DOCK11: variants seen among roughly 807,000 people sequenced by gnomAD.
DOCK11 encodes the protein dedicator of cytokinesis 11.
Under a neutral mutation model 169.1 loss-of-function variants are expected in DOCK11, and 70 were observed. That is an observed-to-expected ratio of 0.41 (90% CI 0.34 to 0.51). DOCK11 has a LOEUF of 0.51. DOCK11 is among the 20% of genes least tolerant of loss of function. The pLI, the probability that DOCK11 is intolerant of heterozygous loss-of-function variation, is 0.10. For synonymous variants in DOCK11, 529 were observed against 541.3 expected (o/e 0.98, Z 0.32); for missense variants, 1,166 against 1,538.8 (o/e 0.76, Z 4.05).
Position 118,676,637 on chromosome X carries a change from C to T in DOCK11, c.5360C>T (p.Pro1787Leu), listed in dbSNP as rs2016616420. The change falls in exon 48 of 53, where the codon CCA becomes CTA. Residue 1787 changes from proline to leucine, a missense_variant. Physicochemically the swap from Pro to Leu is moderately conservative, Grantham distance 98 (BLOSUM62 -3). Transcript: ENST00000276202. ...GGAAAGGAGTACATCTATAAAGAAC[C>T]AAAGCTCACTGGCCTCTCAGAAATT... Reference protein sequence around the residue: ...EDGKEYIYKEPKLTGLSEISL... With the variant: ...EDGKEYIYKELKLTGLSEISL... The T allele has an allele frequency of 8.3e-7, 1 of 1,198,877 alleles. No individual in the cohort carries two copies. Among genetic ancestry groups the T allele is most frequent in the Non-Finnish European group, 1.1e-6 (1 of 887,951 alleles).
Position 118,545,379 on chromosome X carries a change from G to A in DOCK11, c.449G>A (p.Cys150Tyr). 1 of 1,195,085 alleles carries A rather than the reference G, an allele frequency of 8.4e-7. No homozygotes were observed. Among genetic ancestry groups the A allele is most frequent in the South Asian group, 1.9e-5 (1 of 53,870 alleles). ...CATGTATTTGAGATAGATGAAGACT[G>A]TGAGAAAGATGAGGTAAGAATGGGG... ...PNHVFEIDED[C>Y]EKDEDSSSLC... The change falls in exon 5 of 53, where the codon TGT (cysteine) becomes TAT (tyrosine). Residue 150 changes from cysteine to tyrosine, a missense_variant. By Grantham distance (194) the Cys-to-Tyr change is radical. Transcript: ENST00000276202.
At chrX:118,673,071 TG>T (rs2016524467) in intron 46 of DOCK11, among the ~76,000 whole-genome samples, 1 of 112,051 alleles carries the variant, frequency 8.9e-6, no homozygotes, top group African/African-American at 3.2e-5. Context: ...GAAGAACCTT[TG>T]TAGTAATTTC....
chrX:118,602,823 G>A, intron 23 of DOCK11, among the ~76,000 whole-genome samples: 1 of 112,228 alleles, frequency 8.9e-6, no homozygotes, highest in Non-Finnish European at 1.9e-5. Context: ...TTACAGGTGT[G>A]AGCTGCCGCG....
At position 118,676,680 on chromosome X, in the gene DOCK11, A is replaced by G; in HGVS notation, c.5403A>G (p.Lys1801=). The change falls in exon 48 of 53, where the codon AAA becomes AAG. Residue 1801 remains lysine (K), a synonymous_variant. Transcript: ENST00000276202. ...GLSEISLRLV[K]LYGEKFGTEN... ...CAGAAATTTCCTTGAGACTTGTTAA[A>G]CTTTATGGTGAAAAGTTTGGTACGG... 2 of 1,207,535 alleles carry G rather than the reference A, an allele frequency of 1.7e-6. No homozygotes were observed. The highest frequency in any genetic ancestry group is 2.2e-6 in the Non-Finnish European group (2 of 892,651).
In DOCK11 at chrX:118,530,858, G is replaced by A. The variant is rs141890199; in HGVS notation, c.103-11867G>A. 5.5e-4 allele frequency among the ~76,000 whole-genome samples: 62 copies of A among 112,158 alleles called. No individual in the cohort carries two copies. The East Asian group carries it at 0.017, about 30-fold the overall frequency. On this transcript the variant is annotated intron_variant, in intron 1 of 52. Transcript: ENST00000276202. ...TGCCTGCTTTTGCCTTCCCAGCTTT[G>A]TAGCTCCACTGCCTGACACATGGTT...
chrX:118,566,593 A>G lies in DOCK11; in HGVS notation c.891A>G (p.Gln297=), dbSNP rs756831331. The stretch of plus-strand genomic sequence containing the variant: ...TTGCAGATGATGAAACTAGCAGCCA[A>G]GGAAAAGCCGAGAACATCATGGCAA... ...ETAQDDETSS[Q]GKAENIMASL... Residue 297 remains glutamine (Q), a synonymous_variant, in exon 9 of 53, where the codon CAA becomes CAG. Coordinates refer to ENST00000276202, the MANE Select transcript of DOCK11 (RefSeq NM_144658.4). 8.3e-7 allele frequency: 1 copy of G among 1,211,590 alleles called. No individual in the cohort carries two copies. Among genetic ancestry groups the G allele is most frequent in the Non-Finnish European group, 1.1e-6 (1 of 895,306 alleles).
chrX:118,660,352 T>G (rs1364288059), intron 44 of DOCK11, among the ~76,000 whole-genome samples: 1 of 112,393 alleles, frequency 8.9e-6, no homozygotes, highest in East Asian at 2.8e-4. Flanking sequence ...GTTCCTTATC[T>G]TTTTATGGTC....
chrX:118,559,762 T>A (rs2012842252), intron 6 of DOCK11, among the ~76,000 whole-genome samples: 1 of 111,544 alleles, frequency 9.0e-6, no homozygotes, highest in Admixed American at 9.6e-5. Context: ...CAAACATGCA[T>A]ATATAATCAC....
intron 1 of DOCK11, among the ~76,000 whole-genome samples, chrX:118,532,083 A>T (rs1187613472): frequency 1.8e-5 from 2 of 108,989 alleles, no homozygotes; most frequent in Non-Finnish European, 3.8e-5. Flanking sequence ...AGATAGGGGC[A>T]GGCTTTTTTG....
rs2014460358 is a variant in DOCK11 at position 118,605,122 on chromosome X, T to C, written c.2563-116T>C. On this transcript the variant is annotated intron_variant, in intron 23 of 52. Transcript: ENST00000276202. ...TATCCAATGGAAAGCTCACTTTTAA[T>C]TGAGCTTATATGCTAGTCAATGTAT... The C allele has an allele frequency of 6.6e-6, 3 of 455,000 alleles. No individual in the cohort carries two copies. The South Asian group carries it at 1.2e-4, about 18-fold the overall frequency. The allele number at this position is 455,000 out of a possible 1,213,427, so 37.5% of individuals were successfully genotyped here.
At position 118,568,099 on chromosome X, in the gene DOCK11, A is replaced by G. The variant is rs147372245; in HGVS notation, c.972A>G (p.Gln324=). The change falls in exon 10 of 53, where the codon CAA becomes CAG. Residue 324 remains glutamine, a synonymous_variant. Coordinates refer to ENST00000276202, the MANE Select transcript of DOCK11 (RefSeq NM_144658.4). Reference sequence around the variant, plus strand: ...TTTAGTATGGAAGAGAAACTGAACAACTAAACAAACTCAGTAGAGGAGATG... The same window carrying G: ...TTTAGTATGGAAGAGAAACTGAACAGCTAAACAAACTCAGTAGAGGAGATG... ...ELMKYGRETE[Q]LNKLSRGDGR... 1.4e-4 allele frequency: 162 copies of G among 1,153,789 alleles called. 2 individuals are homozygous for G. The African/African-American group carries it at 2.5e-3, about 18-fold the overall frequency.
At chrX:118,651,141 T>C (rs1369604021) in intron 41 of DOCK11, among the ~76,000 whole-genome samples, 2 of 111,797 alleles carry the variant, frequency 1.8e-5, no homozygotes, top group African/African-American at 6.5e-5. Flanking sequence ...GACTGAGAGA[T>C]TTAAAAGTCC....
chrX:118,563,296 C>G (rs142340189), intron 7 of DOCK11, among the ~76,000 whole-genome samples: 170 of 110,741 alleles, frequency 1.5e-3, no homozygotes, highest in African/African-American at 5.3e-3. Context: ...GAGAAAATAC[C>G]TTTAGGGCAT....
intron 20 of DOCK11, among the ~76,000 whole-genome samples, chrX:118,596,525 T>C (rs993303438): frequency 3.6e-5 from 4 of 112,203 alleles, no homozygotes; most frequent in Non-Finnish European, 7.5e-5. Context: ...CTTTAAAAAA[T>C]GTTCTCCAGC....
At chrX:118,554,697 G>A (rs755542079) in intron 6 of DOCK11, among the ~76,000 whole-genome samples, 78 of 111,874 alleles carry the variant, frequency 7.0e-4, no homozygotes, top group African/African-American at 2.2e-3. Context: ...TGAAGAAGGC[G>A]GGGCCTCGAA....
At chrX:118,581,167 A>G (rs1334266797) in intron 14 of DOCK11, among the ~76,000 whole-genome samples, 1 of 112,227 alleles carries the variant, frequency 8.9e-6, no homozygotes, top group African/African-American at 3.2e-5. Flanking sequence ...CATGTTCTGA[A>G]TAATTCAATC....
At chrX:118,568,382 A>T (rs1169058644) in intron 10 of DOCK11, among the ~76,000 whole-genome samples, 2 of 5,128 alleles carry the variant, frequency 3.9e-4, no homozygotes, top group African/African-American at 1.9e-3. Context: ...ATATATATAT[A>T]TATATATATA....
chrX:118,652,344 A>ATT (rs769298856), intron 42 of DOCK11, among the ~76,000 whole-genome samples: 1 of 108,995 alleles, frequency 9.2e-6, no homozygotes, highest in Non-Finnish European at 1.9e-5. Context: ...TCGAATCTGA[A>ATT]TTTTTTTTTT....
intron 6 of DOCK11, among the ~76,000 whole-genome samples, chrX:118,552,793 G>A (rs371166275): frequency 5.5e-4 from 62 of 112,103 alleles, no homozygotes; most frequent in African/African-American, 1.9e-3. Flanking sequence ...CAGGAGGATC[G>A]CTTGAGCCCA....
Sources: gnomAD v4.1 joint callset for allele counts (sites outside exome capture counted in the v4.1 genomes callset) on GRCh38, gnomAD v4.1.1 for gene constraint, MANE v1.5 for transcripts, NCBI Gene and HGNC (gene_info 2026-07-23, HGNC 2026-07-21) for gene names.